The following SEMA6D variants were observed in gnomAD, a reference collection of about 807,000 sequenced individuals.
SEMA6D encodes semaphorin 6D.
SEMA6D carries 35 observed loss-of-function variants against 106.6 expected under a neutral mutation model. That is an observed-to-expected ratio of 0.33 (90% confidence interval 0.25 to 0.44). SEMA6D has a LOEUF of 0.44. Ranked by LOEUF, SEMA6D falls within the 20% of genes least tolerant of loss-of-function variation. SEMA6D has a pLI of 1.00. For synonymous variants in SEMA6D, 499 were observed against 487.7 expected (o/e 1.02, Z -0.31); for missense variants, 1,185 against 1,345.9 (o/e 0.88, Z 1.87).
intron 3 of SEMA6D, among the ~76,000 whole-genome samples, chr15:47,481,263 G>A (rs1450524299): frequency 6.6e-6 from 1 of 152,116 alleles, no homozygotes; most frequent in African/African-American, 2.4e-5. Flanking sequence ...TCTCCCAGTT[G>A]CAGGGTTCTA....
At chr15:47,517,371 G>C (rs917223503) in intron 3 of SEMA6D, among the ~76,000 whole-genome samples, 3 of 152,080 alleles carry the variant, frequency 2.0e-5, no homozygotes, top group African/African-American at 7.2e-5. Flanking sequence ...TGGCATGAGA[G>C]CTGAGTGTGT....
chr15:47,192,575 A>C (rs1894038086), intron 1 of SEMA6D, among the ~76,000 whole-genome samples: 1 of 152,216 alleles, frequency 6.6e-6, no homozygotes, highest in South Asian at 2.1e-4. Flanking sequence ...CATCATTAAA[A>C]AGCATTTTTT....
Position 47,318,618 on chromosome 15 carries a change from T to G in SEMA6D, c.-238-93775T>G, listed in dbSNP as rs201772379. Among the ~76,000 whole-genome samples, 315 of 143,240 alleles carry G rather than the reference T, an allele frequency of 2.2e-3. 2 individuals are homozygous for G. The highest frequency in any genetic ancestry group is 9.3e-3 in the South Asian group (39 of 4,198). The allele number at this position is 143,240 out of a possible 152,430, so 94.0% of individuals were successfully genotyped here. A position where few individuals can be genotyped will look rare whatever the true frequency, so the allele number is the denominator to read the frequency against. On this transcript the variant is annotated intron_variant, in intron 1 of 19. Coordinates refer to the SEMA6D transcript ENST00000558014. ...GAACTCATCATTTTTTATGGCTGCA[T>G]AGTATTCCATGGTGTATATGTGCCA...
intron 4 of SEMA6D, among the ~76,000 whole-genome samples, chr15:47,667,965 A>G (rs991287624): frequency 1.3e-4 from 20 of 152,146 alleles, no homozygotes; most frequent in African/African-American, 4.3e-4. Context: ...ATTTATTCCT[A>G]TATATTTATT....
At chr15:47,513,907 G>A (rs1018876418) in intron 3 of SEMA6D, among the ~76,000 whole-genome samples, 9 of 152,154 alleles carry the variant, frequency 5.9e-5, no homozygotes, top group African/African-American at 1.4e-4. Flanking sequence ...GGATGTTTGC[G>A]CTGGACCTGT....
chr15:47,579,014 TCAGAG>T (rs1420536338), intron 3 of SEMA6D, among the ~76,000 whole-genome samples: 1 of 152,174 alleles, frequency 6.6e-6, no homozygotes, highest in African/African-American at 2.4e-5. Context: ...AAACTACTGG[TCAGAG>T]CATTTTCTGA....
At chr15:47,265,486 C>A (rs1285343444) in intron 1 of SEMA6D, among the ~76,000 whole-genome samples, 3 of 151,690 alleles carry the variant, frequency 2.0e-5, no homozygotes, top group Non-Finnish European at 4.4e-5. Flanking sequence ...GTGAAATTGT[C>A]CTCATACCTT....
upstream of SEMA6D, among the ~76,000 whole-genome samples, chr15:47,714,624 GTAAAGCA>G (rs1374220416): frequency 6.6e-6 from 1 of 152,210 alleles, no homozygotes; most frequent in Non-Finnish European, 1.5e-5. Flanking sequence ...CACTAACCAT[GTAAAGCA>G]TTGAGCCCTT....
intron 1 of SEMA6D, among the ~76,000 whole-genome samples, chr15:47,200,349 T>A (rs1894641177): frequency 6.6e-6 from 1 of 152,136 alleles, no homozygotes; most frequent in South Asian, 2.1e-4. Flanking sequence ...AAGGTACAAC[T>A]AATCAGATAA....
At chr15:47,212,675 A>G (rs147493089) in intron 1 of SEMA6D, among the ~76,000 whole-genome samples, 3 of 152,326 alleles carry the variant, frequency 2.0e-5, no homozygotes, top group Non-Finnish European at 4.4e-5. Flanking sequence ...TCCAAAACAT[A>G]AAGTAGCATT....
At chr15:47,388,814 T>A (rs1202373303) in intron 1 of SEMA6D, among the ~76,000 whole-genome samples, 1 of 152,026 alleles carries the variant, frequency 6.6e-6, no homozygotes, top group Non-Finnish European at 1.5e-5. Context: ...CATGATGGCA[T>A]AAAGATTTAG....
chr15:47,261,145 T>C (rs541701134), intron 1 of SEMA6D, among the ~76,000 whole-genome samples: 3 of 152,324 alleles, frequency 2.0e-5, no homozygotes, highest in South Asian at 2.1e-4. Flanking sequence ...CTATTTTTAA[T>C]TGGCTGTGTG....
chr15:47,671,372 TA>T (rs2078133920), intron 4 of SEMA6D, among the ~76,000 whole-genome samples: 1 of 152,104 alleles, frequency 6.6e-6, no homozygotes, highest in Non-Finnish European at 1.5e-5. Context: ...GGCAAGTATA[TA>T]AAAGGTGTAG....
chr15:47,539,745 G>C (rs1290073286), intron 3 of SEMA6D, among the ~76,000 whole-genome samples: 5 of 152,124 alleles, frequency 3.3e-5, no homozygotes, highest in Admixed American at 2.6e-4. Context: ...AGGAACTACA[G>C]CTCTTGATTA....
chr15:47,285,122 C>G (rs914339753), intron 1 of SEMA6D, among the ~76,000 whole-genome samples: 1 of 152,164 alleles, frequency 6.6e-6, no homozygotes, highest in African/African-American at 2.4e-5. Flanking sequence ...ACAAGGCTGG[C>G]TCACCATTTG....
At chr15:47,424,150 A>C (rs189580374) in intron 2 of SEMA6D, among the ~76,000 whole-genome samples, 1 of 152,088 alleles carries the variant, frequency 6.6e-6, no homozygotes, top group Non-Finnish European at 1.5e-5. Flanking sequence ...TACTCAGTGT[A>C]TTTGTTTAGA....
At chr15:47,286,807 T>C (rs1378214) in intron 1 of SEMA6D, among the ~76,000 whole-genome samples, 94,770 of 151,926 alleles carry the variant, frequency 0.62, 30,002 homozygotes, top group East Asian at 0.91. Context: ...CTATCTTTTT[T>C]GTCATCTAAA....
intron 2 of SEMA6D, among the ~76,000 whole-genome samples, chr15:47,418,405 G>C (rs1184629492): frequency 6.6e-6 from 1 of 152,074 alleles, no homozygotes; most frequent in African/African-American, 2.4e-5. Flanking sequence ...CAGTTCTGGA[G>C]GCTAAGAAGT....
chr15:47,622,850 C>T (rs1024704877), intron 4 of SEMA6D, among the ~76,000 whole-genome samples: 3 of 152,188 alleles, frequency 2.0e-5, no homozygotes, highest in African/African-American at 7.2e-5. Context: ...CTCTCAGAAA[C>T]TTCTGGCATT....
Sources: gnomAD v4.1 joint callset for allele counts (sites outside exome capture counted in the v4.1 genomes callset) on GRCh38, gnomAD v4.1.1 for gene constraint, MANE v1.5 for transcripts, NCBI Gene and HGNC (gene_info 2026-07-23, HGNC 2026-07-21) for gene names.